Variants in CNTNAP2 observed in about 807,000 individuals in gnomAD.
CNTNAP2 encodes contactin-associated protein-like 2.
In CNTNAP2, 98 loss-of-function variants were observed where a neutral mutation model predicts 155.2. The ratio of observed to expected loss-of-function variants is 0.63; its 90% CI spans 0.54 to 0.75. The LOEUF is 0.75. Among genes scored for constraint, CNTNAP2 ranks in the 30% least tolerant of loss-of-function variants. The probability of loss-of-function intolerance (pLI) is 0.00; values close to 1 mark genes in which losing one functional copy is unlikely to be tolerated. For synonymous variants in CNTNAP2, 651 were observed against 631.2 expected (o/e 1.03, Z -0.47); for missense variants, 1,727 against 1,688.1 (o/e 1.02, Z -0.40).
At chr7:146,764,115 A>C (rs1438950967) in intron 1 of CNTNAP2, among the ~76,000 whole-genome samples, 1 of 152,200 alleles carries the variant, frequency 6.6e-6, no homozygotes, top group East Asian at 1.9e-4. Flanking sequence ...TTACCAGTGG[A>C]CCAATAAATT....
rs555471369 is a variant in CNTNAP2, at chr7:147,189,796, G to C, written c.1348+57287G>C. ...GTCTCACTCTGTCGCCCAGGCTGGA[G>C]TGCAGTGGCGCGATCTCGGCTCACT... On this transcript the variant is annotated intron_variant, in intron 8 of 23. Coordinates refer to ENST00000361727, the MANE Select transcript of CNTNAP2 (RefSeq NM_014141.6). Among the ~76,000 whole-genome samples, 6 of 152,240 alleles carry C rather than the reference G, an allele frequency of 3.9e-5. 1 individual carries two copies. The highest frequency in any genetic ancestry group is 4.1e-4 in the South Asian group (2 of 4,828).
intron 1 of CNTNAP2, among the ~76,000 whole-genome samples, chr7:146,695,555 C>T (rs1039407600): frequency 6.6e-6 from 1 of 151,960 alleles, no homozygotes; most frequent in African/African-American, 2.4e-5. Flanking sequence ...GAACTATAGG[C>T]CCACACTACC....
chr7:147,677,508 A>G (rs891514341), intron 13 of CNTNAP2, among the ~76,000 whole-genome samples: 2 of 151,856 alleles, frequency 1.3e-5, no homozygotes, highest in African/African-American at 4.8e-5. Flanking sequence ...GCTGTAGAAC[A>G]GCTTTCTATT....
intron 18 of CNTNAP2, among the ~76,000 whole-genome samples, chr7:148,197,825 C>T (rs955949811): frequency 6.6e-6 from 1 of 152,204 alleles, no homozygotes; most frequent in Admixed American, 6.5e-5. Context: ...AACAAAGCAG[C>T]TTAAACATCT....
chr7:146,872,162 A>ATTTTTTTTTTTTTTTTTTTTTT (rs144291754), intron 3 of CNTNAP2, among the ~76,000 whole-genome samples: 3 of 111,532 alleles, frequency 2.7e-5, no homozygotes, highest in Non-Finnish European at 1.8e-5. Context: ...AAATTATTGA[A>ATTTTTTTTTTTTTTTTTTTTTT]TTTTTTTTTT....
At chr7:147,623,177 T>C (rs1563026224) in intron 12 of CNTNAP2, among the ~76,000 whole-genome samples, 1 of 152,064 alleles carries the variant, frequency 6.6e-6, no homozygotes, top group African/African-American at 2.4e-5. Context: ...TGAAAGCCTT[T>C]CCTCGAAGAT....
intron 19 of CNTNAP2, among the ~76,000 whole-genome samples, chr7:148,223,663 A>G (rs1250654679): frequency 6.6e-6 from 1 of 152,232 alleles, no homozygotes; most frequent in East Asian, 1.9e-4. Context: ...TGGATTATTC[A>G]AGAATATCAC....
At position 147,600,506 on chromosome 7, in the gene CNTNAP2, A is replaced by T. The variant is rs902889053; in HGVS notation, c.1897+38249A>T. Among the ~76,000 whole-genome samples the T allele has an allele frequency of 2.0e-5, 3 of 152,184 alleles. No homozygotes were observed. The South Asian group carries it at 6.2e-4, about 31-fold the overall frequency. On this transcript the variant is annotated intron_variant, in intron 12 of 23. Coordinates refer to ENST00000361727, the MANE Select transcript of CNTNAP2 (RefSeq NM_014141.6). Reference sequence around the variant, plus strand: ...GACATGTGCATTTTATATAATTTTCATGTATTGTGAAATATTATTCTTCCT... The same window carrying T: ...GACATGTGCATTTTATATAATTTTCTTGTATTGTGAAATATTATTCTTCCT...
intron 13 of CNTNAP2, among the ~76,000 whole-genome samples, chr7:147,801,333 T>TTTTTTA (rs1797981253): frequency 7.1e-6 from 1 of 140,060 alleles, no homozygotes; most frequent in African/African-American, 2.8e-5. Context: ...TTTAATTTTT[T>TTTTTTA]TTTTTTTTTA....
At chr7:147,836,815 C>A (rs547753439) in intron 13 of CNTNAP2, among the ~76,000 whole-genome samples, 1 of 152,276 alleles carries the variant, frequency 6.6e-6, no homozygotes, top group East Asian at 1.9e-4. Context: ...GTTATTCAAA[C>A]TTATAGCTGT....
chr7:146,619,014 C>T (rs1458033368), intron 1 of CNTNAP2, among the ~76,000 whole-genome samples: 2 of 149,692 alleles, frequency 1.3e-5, no homozygotes, highest in East Asian at 4.0e-4. Context: ...GCAGAGGTTG[C>T]AGTGAGCCAA....
chr7:147,608,556 C>T (rs191578713), intron 12 of CNTNAP2, among the ~76,000 whole-genome samples: 2 of 152,208 alleles, frequency 1.3e-5, no homozygotes, highest in African/African-American at 4.8e-5. Context: ...CCTGCCTCAG[C>T]CTCCCAAAGA....
At chr7:147,854,643 C>T (rs2116675273) in intron 13 of CNTNAP2, among the ~76,000 whole-genome samples, 1 of 152,260 alleles carries the variant, frequency 6.6e-6, no homozygotes, top group East Asian at 1.9e-4. Flanking sequence ...GGTTCCTAGC[C>T]ACATGTGACT....
intron 3 of CNTNAP2, among the ~76,000 whole-genome samples, chr7:146,880,012 A>T (rs1440183924): frequency 6.6e-6 from 1 of 152,080 alleles, no homozygotes; most frequent in East Asian, 1.9e-4. Flanking sequence ...AGACTTATTC[A>T]CTACCATGAG....
At chr7:148,194,538 G>T (rs543929294) in intron 18 of CNTNAP2, among the ~76,000 whole-genome samples, 1 of 152,144 alleles carries the variant, frequency 6.6e-6, no homozygotes, top group Non-Finnish European at 1.5e-5. Flanking sequence ...ATTATTGGAA[G>T]TGACTTATGC....
chr7:148,180,854 T>A (rs1039929196), intron 18 of CNTNAP2, among the ~76,000 whole-genome samples: 1 of 152,300 alleles, frequency 6.6e-6, no homozygotes, highest in African/African-American at 2.4e-5. Context: ...TTGAGGTGGG[T>A]CTGTGAGGCT....
At chr7:147,588,167 T>C (rs1800668717) in intron 12 of CNTNAP2, among the ~76,000 whole-genome samples, 1 of 135,616 alleles carries the variant, frequency 7.4e-6, no homozygotes, top group East Asian at 2.3e-4. Flanking sequence ...TGAGACTTTA[T>C]GTAAAAGAGA....
intron 13 of CNTNAP2, among the ~76,000 whole-genome samples, chr7:147,688,816 T>A (rs1260183087): frequency 6.6e-6 from 1 of 152,164 alleles, no homozygotes; most frequent in South Asian, 2.1e-4. Flanking sequence ...ATAACTGTTA[T>A]GAATACCTGC....
intron 1 of CNTNAP2, among the ~76,000 whole-genome samples, chr7:146,590,050 C>T (rs1798757611): frequency 6.6e-6 from 1 of 152,154 alleles, no homozygotes; most frequent in Non-Finnish European, 1.5e-5. Flanking sequence ...TAGCTGTGTG[C>T]CAGGAGGAAA....
Sources: gnomAD v4.1 joint callset for allele counts (sites outside exome capture counted in the v4.1 genomes callset) on GRCh38, gnomAD v4.1.1 for gene constraint, MANE v1.5 for transcripts, NCBI Gene and HGNC (gene_info 2026-07-23, HGNC 2026-07-21) for gene names.